Variants in NCKAP5 observed in about 807,000 individuals in gnomAD.
NCKAP5 encodes the protein nck-associated protein 5.
Under a neutral mutation model 167.0 loss-of-function variants are expected in NCKAP5, and 92 were observed. The observed-to-expected ratio is 0.55, with a 90% CI of 0.47 to 0.66. The LOEUF (loss-of-function observed/expected upper bound fraction) is 0.66. Ranked by LOEUF, NCKAP5 falls within the 30% of genes least tolerant of loss-of-function variation. The pLI, the probability that NCKAP5 is intolerant of heterozygous loss-of-function variation, is 0.00. For missense variants in NCKAP5, 2,378 were observed against 2,315.0 expected (o/e 1.03, Z -0.56); for synonymous variants, 891 against 877.4 (o/e 1.02, Z -0.27).
At chr2:132,863,980 C>T (rs1052385005) in intron 10 of NCKAP5, among the ~76,000 whole-genome samples, 5 of 152,216 alleles carry the variant, frequency 3.3e-5, no homozygotes, top group African/African-American at 1.2e-4. Context: ...ATGCTCCCAA[C>T]AGGAACACTT....
At chr2:133,199,859 G>A (rs1352085220) in intron 5 of NCKAP5, among the ~76,000 whole-genome samples, 3 of 151,766 alleles carry the variant, frequency 2.0e-5, no homozygotes. Flanking sequence ...CTACTAATCA[G>A]CAACTAAAGG....
chr2:133,570,019 G>GC (rs1688803254), upstream of NCKAP5, among the ~76,000 whole-genome samples: 1 of 151,894 alleles, frequency 6.6e-6, no homozygotes, highest in Admixed American at 6.6e-5. Context: ...TTATTTGTAA[G>GC]CCAATAAAAG....
chr2:132,899,220 C>T (rs552394365), intron 8 of NCKAP5, among the ~76,000 whole-genome samples: 1 of 152,340 alleles, frequency 6.6e-6, no homozygotes, highest in Admixed American at 6.5e-5. Context: ...TTTCCCTAAA[C>T]CTCATGAACT....
At chr2:133,587,183 T>C in the NCKAP5 span, among the ~76,000 whole-genome samples, 1 of 152,042 alleles carries the variant, frequency 6.6e-6, no homozygotes, top group South Asian at 2.1e-4. Context: ...AAGTAATGAG[T>C]AAGCATGAGA....
In NCKAP5 at chr2:132,774,477, A is replaced by AT. The variant is rs1371743130; in HGVS notation, c.5050-584dup. 8.7e-5 allele frequency among the ~76,000 whole-genome samples: 12 copies of AT among 138,334 alleles called. No individual in the cohort carries two copies. The Admixed American group carries it at 8.9e-4, about 10-fold the overall frequency. The allele number at this position is 138,334 out of a possible 152,430, so 90.8% of individuals were successfully genotyped here. On this transcript the variant is annotated intron_variant, in intron 15 of 19. Transcript: ENST00000409261. ...CCAGAGCAGTGAGTCATTTATCTAG[A>AT]TATTTTTTTTTGAGCCAAAAACATT...
intron 3 of NCKAP5, among the ~76,000 whole-genome samples, chr2:133,399,249 G>A (rs1029135196): frequency 6.6e-6 from 1 of 152,104 alleles, no homozygotes; most frequent in Non-Finnish European, 1.5e-5. Flanking sequence ...AGGGAACAGC[G>A]AAGGGCCTGG....
intron 4 of NCKAP5, among the ~76,000 whole-genome samples, chr2:133,250,653 T>C (rs2088267302): frequency 6.6e-6 from 1 of 152,118 alleles, no homozygotes; most frequent in African/African-American, 2.4e-5. Flanking sequence ...TTAAAGAAAA[T>C]ACAGCCAGGG....
chr2:133,385,259 G>A lies in NCKAP5; in HGVS notation c.70-82149C>T, dbSNP rs181182781. On this transcript the variant is annotated intron_variant, in intron 3 of 19. Coordinates refer to ENST00000409261, the MANE Select transcript of NCKAP5 (RefSeq NM_207363.3). ...TTATTGAGAGTTTTTAGCATGAAGG[G>A]TTGTTGAATTTTGTCAAAGGCCTTT... is the stretch of plus-strand genomic sequence containing the variant. Among the ~76,000 whole-genome samples the A allele has an allele frequency of 5.1e-3, 770 of 152,244 alleles. 7 individuals are homozygous for A. The highest frequency in any genetic ancestry group is 0.017 in the Middle Eastern group (5 of 294).
chr2:132,697,467 T>C (rs16840001), intron 19 of NCKAP5, among the ~76,000 whole-genome samples: 17,955 of 152,268 alleles, frequency 0.12, 3,341 homozygotes, highest in African/African-American at 0.4. Flanking sequence ...TTCCTCTTGT[T>C]GAAAATCTGA....
intron 4 of NCKAP5, among the ~76,000 whole-genome samples, chr2:133,292,704 A>C (rs1006253694): frequency 2.0e-5 from 3 of 152,234 alleles, no homozygotes; most frequent in Non-Finnish European, 4.4e-5. Context: ...AAACCTGTTT[A>C]AACTAGAAGT....
At chr2:133,038,702 G>A (rs950502668) in intron 6 of NCKAP5, among the ~76,000 whole-genome samples, 2 of 151,884 alleles carry the variant, frequency 1.3e-5, no homozygotes, top group Non-Finnish European at 2.9e-5. Context: ...ATTTCACATT[G>A]CATGCCTGTA....
At chr2:132,676,459 C>T (rs1480995371) in intron 19 of NCKAP5, among the ~76,000 whole-genome samples, 3 of 151,836 alleles carry the variant, frequency 2.0e-5, no homozygotes, top group Admixed American at 6.6e-5. Context: ...GTCTGGGCTC[C>T]TCAAGTGGTG....
intron 6 of NCKAP5, among the ~76,000 whole-genome samples, chr2:133,022,256 T>C (rs2078553651): frequency 2.0e-5 from 3 of 152,194 alleles, no homozygotes; most frequent in Admixed American, 2.0e-4. Context: ...CAGGAGTAGC[T>C]CTGAAAACCT....
In NCKAP5 at chr2:132,683,133, C is replaced by T. The variant is rs149948976; in HGVS notation, c.5714-9828G>A. 1.4e-3 allele frequency among the ~76,000 whole-genome samples: 220 copies of T among 152,208 alleles called. 1 individual carries two copies. Among genetic ancestry groups the T allele is most frequent in the African/African-American group, 5.2e-3 (216 of 41,542 alleles). On this transcript the variant is annotated intron_variant, in intron 19 of 19. Coordinates refer to ENST00000409261, the MANE Select transcript of NCKAP5 (RefSeq NM_207363.3). ...ACCTGACCTCAGGCCATCCACCTGC[C>T]TCAGCCTCCCAAAGTGCTGGGATTA...
At chr2:133,485,300 G>A (rs114713967) in intron 3 of NCKAP5, among the ~76,000 whole-genome samples, 1 of 152,064 alleles carries the variant, frequency 6.6e-6, no homozygotes, top group African/African-American at 2.4e-5. Context: ...CCGACAGCAC[G>A]CCTGGCCCTC....
chr2:133,098,139 G>A lies in NCKAP5; in HGVS notation c.341+31839C>T, dbSNP rs75467428. 5.9e-3 allele frequency among the ~76,000 whole-genome samples: 892 copies of A among 152,258 alleles called. 3 individuals are homozygous for A. The highest frequency in any genetic ancestry group is 0.02 in the African/African-American group (840 of 41,546). Reference sequence around the variant, plus strand: ...TGAGAGCTATTCCAAAGATGAAACCGAAAGTGCCTTCTGAAATACCAGCAT... The same window carrying A: ...TGAGAGCTATTCCAAAGATGAAACCAAAAGTGCCTTCTGAAATACCAGCAT... On this transcript the variant is annotated intron_variant, in intron 6 of 19. Transcript: ENST00000409261.
chr2:133,141,096 T>A (rs2082978948), intron 5 of NCKAP5, among the ~76,000 whole-genome samples: 1 of 152,118 alleles, frequency 6.6e-6, no homozygotes, highest in African/African-American at 2.4e-5. Context: ...CAACTTTTAG[T>A]CTTAATCCTG....
intron 11 of NCKAP5, among the ~76,000 whole-genome samples, chr2:132,847,579 C>A (rs532227162): frequency 6.6e-6 from 1 of 152,234 alleles, no homozygotes; most frequent in East Asian, 1.9e-4. Flanking sequence ...CGCCAAATCC[C>A]AGGATAATAT....
chr2:133,633,305 A>C, the NCKAP5 span, among the ~76,000 whole-genome samples: 7 of 152,158 alleles, frequency 4.6e-5, no homozygotes, highest in African/African-American at 1.7e-4. Context: ...GTGCTCTCTC[A>C]CCAAACCCAG....
Sources: gnomAD v4.1 joint callset for allele counts (sites outside exome capture counted in the v4.1 genomes callset) on GRCh38, gnomAD v4.1.1 for gene constraint, MANE v1.5 for transcripts, NCBI Gene and HGNC (gene_info 2026-07-23, HGNC 2026-07-21) for gene names.